Variants in ASMTL observed in about 807,000 individuals in gnomAD.
ASMTL encodes acetylserotonin O-methyltransferase like, also known as probable bifunctional dTTP/UTP pyrophosphatase/methyltransferase protein.
In ASMTL, 57 loss-of-function variants were observed where a neutral mutation model predicts 60.3. The ratio of observed to expected loss-of-function variants is 0.95; its 90% CI spans 0.76 to 1.18. The LOEUF is 1.18. Among genes scored for constraint, ASMTL ranks in the 50% most tolerant of loss-of-function variants. The probability of loss-of-function intolerance (pLI) is 0.00; values close to 1 mark genes in which losing one functional copy is unlikely to be tolerated. For missense variants in ASMTL, 981 were observed against 852.6 expected (o/e 1.15, Z -1.88); for synonymous variants, 419 against 373.0 (o/e 1.12, Z -1.42).
chrX:1,448,638 G>A (rs750871583), intron 1 of ASMTL, among the ~76,000 whole-genome samples: 9 of 142,128 alleles, frequency 6.3e-5, no homozygotes, highest in African/African-American at 8.0e-5. Flanking sequence ...GACACACACC[G>A]CCATCTTGGA....
chrX:1,405,611 T>C (rs1244057194), intron 12 of ASMTL, among the ~76,000 whole-genome samples: 2 of 149,754 alleles, frequency 1.3e-5, no homozygotes, highest in Non-Finnish European at 3.0e-5. Flanking sequence ...AGATGATGGG[T>C]AGGTAGATAG....
rs1417460299 is a variant in ASMTL, at chrX:1,413,422, G to A, written c.1523-568C>T. On this transcript the variant is annotated intron_variant, in intron 11 of 12. Transcript: ENST00000381317. ...GCAGGCAGAGTCGGCGCACATGGGC[G>A]TGTGCCAGGGAGAGTCGGGGCCGCA... 2.6e-5 allele frequency among the ~76,000 whole-genome samples: 4 copies of A among 152,340 alleles called. No individual in the cohort carries two copies. In the East Asian group the frequency reaches 5.8e-4, roughly 22 times the overall value.
chrX:1,417,915 TAGAA>T, intron 11 of ASMTL, 54 bp downstream of exon 11: 1 of 1,554,066 alleles, frequency 6.4e-7, no homozygotes, highest in South Asian at 1.2e-5. Context: ...GCCCTCTGTC[TAGAA>T]AGAGATGCTG....
Position 1,450,128 on chromosome X carries a change from G to A in ASMTL, c.93+2620C>T, listed in dbSNP as rs1330101695. On this transcript the variant is annotated intron_variant, in intron 1 of 12. Transcript: ENST00000381317. ...ACCAGTAACTATCACCCCATTACCA[G>A]TAACTATCCCACATCACCTATAACT... is the stretch of plus-strand genomic sequence containing the variant. Among the ~76,000 whole-genome samples the A allele has an allele frequency of 9.9e-5, 15 of 151,304 alleles. No homozygotes were observed. In the East Asian group the frequency reaches 2.9e-3, roughly 29 times the overall value.
intron 1 of ASMTL, among the ~76,000 whole-genome samples, chrX:1,449,764 C>T (rs2091311259): frequency 7.1e-6 from 1 of 140,302 alleles, no homozygotes; most frequent in Admixed American, 7.3e-5. Flanking sequence ...AACTATGCCC[C>T]ATCATCACCA....
At chrX:1,449,660 T>C (rs1157965738) in intron 1 of ASMTL, among the ~76,000 whole-genome samples, 1 of 138,854 alleles carries the variant, frequency 7.2e-6, no homozygotes, top group African/African-American at 2.8e-5. Flanking sequence ...CTACCCCCCA[T>C]CACCAGTAAC....
chrX:1,430,858 T>G (rs1486982837), intron 6 of ASMTL, among the ~76,000 whole-genome samples: 9 of 143,782 alleles, frequency 6.3e-5, no homozygotes, highest in African/African-American at 2.3e-4. Context: ...ATTTATATAT[T>G]TATATACTTT....
At chrX:1,441,142 C>G (rs1652751152) in intron 2 of ASMTL, among the ~76,000 whole-genome samples, 1 of 151,836 alleles carries the variant, frequency 6.6e-6, no homozygotes, top group Non-Finnish European at 1.5e-5. Flanking sequence ...TGGTAATAAG[C>G]TACATAATTC....
At chrX:1,412,178 G>A (rs2090054825) in intron 12 of ASMTL, among the ~76,000 whole-genome samples, 1 of 152,072 alleles carries the variant, frequency 6.6e-6, no homozygotes, top group Non-Finnish European at 1.5e-5. Flanking sequence ...CTCTCACCCA[G>A]ACGCTGGACC....
chrX:1,450,792 G>A (rs141203549), intron 1 of ASMTL, among the ~76,000 whole-genome samples: 1,824 of 142,058 alleles, frequency 0.013, 97 homozygotes, highest in African/African-American at 0.047. Flanking sequence ...CCAACCCTAG[G>A]GGTCCCAGGT....
intron 1 of ASMTL, among the ~76,000 whole-genome samples, chrX:1,445,166 G>A (rs1287640074): frequency 6.6e-6 from 1 of 152,130 alleles, no homozygotes; most frequent in East Asian, 1.9e-4. Context: ...GTCCTCGGAG[G>A]ACCAGCGGCA....
chrX:1,417,802 CACAGAG>C (rs1343780007), intron 11 of ASMTL, 165 bp downstream of exon 11: 1 of 271,666 alleles, frequency 3.7e-6, no homozygotes, highest in African/African-American at 3.6e-5. Context: ...CACACATGCA[CACAGAG>C]AGACACACAC....
chrX:1,447,449 C>T (rs1224698701), intron 1 of ASMTL, among the ~76,000 whole-genome samples: 2 of 151,804 alleles, frequency 1.3e-5, no homozygotes, highest in Admixed American at 1.3e-4. Context: ...TGGACACACA[C>T]CATCTTGGAC....
chrX:1,446,113 AG>A (rs1242081462), intron 1 of ASMTL, among the ~76,000 whole-genome samples: 1 of 152,196 alleles, frequency 6.6e-6, no homozygotes, highest in Non-Finnish European at 1.5e-5. Flanking sequence ...AGTTAGCAGG[AG>A]CAAATTAGTG....
In ASMTL at chrX:1,442,214, G is replaced by C; in HGVS notation, c.197C>G (p.Ala66Gly). Residue 66 changes from alanine (A) to glycine (G), a missense_variant, in exon 2 of 13, where the codon GCC becomes GGC. By Grantham distance (60) the Ala-to-Gly change is moderately conservative. Transcript: ENST00000381317. ...GTACAGCCGGTTGGCCACCTCCAGG[G>C]CCTTCTGCTTGGCGGTCTCCATGGC... is the stretch of plus-strand genomic sequence containing the variant. Reference protein sequence around the residue: ...GYAMETAKQKALEVANRLYQK... With the variant: ...GYAMETAKQKGLEVANRLYQK... 1 of 1,613,772 alleles carries C rather than the reference G, an allele frequency of 6.2e-7. No individual in the cohort carries two copies. Among genetic ancestry groups the C allele is most frequent in the East Asian group, 2.2e-5 (1 of 44,884 alleles).
intron 12 of ASMTL, among the ~76,000 whole-genome samples, chrX:1,407,586 C>T (rs1397818208): frequency 2.6e-5 from 4 of 151,988 alleles, no homozygotes; most frequent in Non-Finnish European, 4.4e-5. Context: ...TGACAGGTGA[C>T]GGAGCATTGT....
rs2090395650 is a variant in ASMTL at position 1,418,984 on chromosome X, C to T, written c.1376G>A (p.Gly459Glu). 9 of 1,611,754 alleles carry T rather than the reference C, an allele frequency of 5.6e-6. No homozygotes were observed. Among genetic ancestry groups the T allele is most frequent in the Non-Finnish European group, 7.6e-6 (9 of 1,179,816 alleles). Residue 459 changes from glycine (G) to glutamate (E), a missense_variant and splice_region_variant, in exon 10 of 13, where the codon GGA becomes GAA. By Grantham distance (98) the Gly-to-Glu change is moderately conservative. Transcript: ENST00000381317. ...LSRFSSACDV[G>E]GCTGALAREL... Reference sequence around the variant, plus strand: ...GCCCTGGCGGGGGGGCCACCCACCTCCCACGTCGCAGGCGGAGGAGAAGCG... The same window carrying T: ...GCCCTGGCGGGGGGGCCACCCACCTTCCACGTCGCAGGCGGAGGAGAAGCG...
At chrX:1,451,423 G>A (rs1293568741) in intron 1 of ASMTL, among the ~76,000 whole-genome samples, 10 of 99,404 alleles carry the variant, frequency 1.0e-4, no homozygotes, top group African/African-American at 3.8e-4. Flanking sequence ...CCAACCCCAT[G>A]CCTAGGGGTT....
intron 1 of ASMTL, among the ~76,000 whole-genome samples, chrX:1,448,376 A>G (rs1265833976): frequency 6.8e-6 from 1 of 147,536 alleles, no homozygotes; most frequent in Non-Finnish European, 1.5e-5. Context: ...ATCTTGGACA[A>G]GCACCACCAT....
Sources: gnomAD v4.1 joint callset for allele counts (sites outside exome capture counted in the v4.1 genomes callset) on GRCh38, gnomAD v4.1.1 for gene constraint, MANE v1.5 for transcripts, NCBI Gene and HGNC (gene_info 2026-07-23, HGNC 2026-07-21) for gene names.